ACVR2A: variants seen among roughly 807,000 people sequenced by gnomAD.
ACVR2A encodes activin receptor type-2A.
Under a neutral mutation model 61.4 loss-of-function variants are expected in ACVR2A, and 7 were observed. The observed-to-expected ratio is 0.11, with a 90% CI of 0.06 to 0.21. The LOEUF is 0.21. ACVR2A is among the 10% of genes least tolerant of loss of function. The pLI, the probability that ACVR2A is intolerant of heterozygous loss-of-function variation, is 1.00. For missense variants in ACVR2A, 322 were observed against 621.7 expected (o/e 0.52, Z 5.13); for synonymous variants, 193 against 208.3 (o/e 0.93, Z 0.63).
At chr2:147,909,289 G>T (rs1687061347) in intron 4 of ACVR2A, among the ~76,000 whole-genome samples, 1 of 152,116 alleles carries the variant, frequency 6.6e-6, no homozygotes, top group Non-Finnish European at 1.5e-5. Flanking sequence ...GTGAATTGTT[G>T]ATTAGTCCTT....
chr2:147,912,807 C>T (rs964096295), intron 4 of ACVR2A, among the ~76,000 whole-genome samples: 2 of 151,886 alleles, frequency 1.3e-5, no homozygotes, highest in Admixed American at 6.6e-5. Flanking sequence ...TTGAAAAGCT[C>T]ATGTCATTGC....
intron 4 of ACVR2A, among the ~76,000 whole-genome samples, chr2:147,912,693 A>AT (rs1310800355): frequency 2.0e-5 from 3 of 151,888 alleles, no homozygotes; most frequent in East Asian, 3.9e-4. Context: ...CATTCTAGTA[A>AT]TTTTTTATTT....
At chr2:147,845,357 C>CCCG (rs1685283576) in intron 1 of ACVR2A, 150 bp downstream of exon 1, 2 of 536,286 alleles carry the variant, frequency 3.7e-6, no homozygotes, top group Non-Finnish European at 3.1e-6. Flanking sequence ...CGCCCCCCCC[C>CCCG]CCCGCCCCCA....
intron 4 of ACVR2A, among the ~76,000 whole-genome samples, chr2:147,903,317 T>C (rs1686915050): frequency 6.7e-6 from 1 of 148,156 alleles, no homozygotes; most frequent in African/African-American, 2.5e-5. Context: ...TTCTTATTCA[T>C]CCTGGATGAA....
At chr2:147,866,194 A>G (rs147709348) in intron 1 of ACVR2A, among the ~76,000 whole-genome samples, 12 of 152,344 alleles carry the variant, frequency 7.9e-5, no homozygotes, top group Non-Finnish European at 1.2e-4. Context: ...CTACTCATTC[A>G]AAGCAGTGTA....
At chr2:147,902,926 A>G (rs1265656862) in intron 4 of ACVR2A, 2 of 152,008 alleles carry the variant, frequency 1.3e-5, no homozygotes, top group Admixed American at 1.3e-4. Context: ...AGACAGTGCC[A>G]TAACATTTGT....
At chr2:147,917,449 T>C in intron 6 of ACVR2A, 23 bp downstream of exon 6, 1 of 1,608,794 alleles carries the variant, frequency 6.2e-7, no homozygotes, top group Non-Finnish European at 8.5e-7. Context: ...AACGTTTTAC[T>C]TTAGTAAAGT....
At chr2:147,857,542 A>C (rs1022212917) in intron 1 of ACVR2A, among the ~76,000 whole-genome samples, 2 of 151,584 alleles carry the variant, frequency 1.3e-5, no homozygotes, top group Non-Finnish European at 2.9e-5. Flanking sequence ...TAAAAAAAAA[A>C]AAAAAAAAAC....
rs1436492154 is a variant in ACVR2A, at chr2:147,845,223, G to A, written c.55+16G>A. The A allele has an allele frequency of 3.1e-6, 5 of 1,610,378 alleles. No homozygotes were observed. Among genetic ancestry groups the A allele is most frequent in the Non-Finnish European group, 4.2e-6 (5 of 1,179,060 alleles). ...TGTTCTTCAGGTAGGTGCAGGGAGC[G>A]CGGCGCGGTGGGGCTGCTCCTGCGG... On this transcript the variant is annotated intron_variant, in intron 1 of 10. Transcript: ENST00000241416.
chr2:147,888,116 G>A (rs1686488077), intron 1 of ACVR2A, among the ~76,000 whole-genome samples: 1 of 152,056 alleles, frequency 6.6e-6, no homozygotes, highest in Admixed American at 6.6e-5. Context: ...TGTCAAAAAC[G>A]AATTAGACGT....
At chr2:147,875,088 A>G (rs534668800) in intron 1 of ACVR2A, among the ~76,000 whole-genome samples, 2 of 152,138 alleles carry the variant, frequency 1.3e-5, no homozygotes, top group South Asian at 2.1e-4. Context: ...TTCAAACCAG[A>G]TGGATATATA....
chr2:147,908,183 TGTG>T (rs1387257732), intron 4 of ACVR2A, among the ~76,000 whole-genome samples: 1 of 152,196 alleles, frequency 6.6e-6, no homozygotes. Context: ...AATTTATTCA[TGTG>T]TAACATGGTT....
At chr2:147,882,853 G>A (rs578061539) in intron 1 of ACVR2A, among the ~76,000 whole-genome samples, 2 of 152,048 alleles carry the variant, frequency 1.3e-5, no homozygotes, top group South Asian at 4.2e-4. Flanking sequence ...GACAATGTTT[G>A]TGTTTTCCTT....
At chr2:147,917,824 C>T (rs969495501) in intron 6 of ACVR2A, among the ~76,000 whole-genome samples, 6 of 151,856 alleles carry the variant, frequency 4.0e-5, no homozygotes, top group Non-Finnish European at 8.8e-5. Flanking sequence ...GGAAATTTAT[C>T]TGATCTTTGA....
intron 4 of ACVR2A, among the ~76,000 whole-genome samples, chr2:147,903,254 T>G (rs1249725497): frequency 6.6e-6 from 1 of 151,436 alleles, no homozygotes; most frequent in Non-Finnish European, 1.5e-5. Flanking sequence ...TCTGGTCGTT[T>G]TTTTTTTTTC....
chr2:147,845,170 G>C lies in ACVR2A; in HGVS notation c.18G>C (p.Lys6Asn). Reference sequence around the variant, plus strand: ...TCGGGAAAATGGGAGCTGCTGCAAAGTTGGCGTTTGCCGTCTTTCTTATCT... The same window carrying C: ...TCGGGAAAATGGGAGCTGCTGCAAACTTGGCGTTTGCCGTCTTTCTTATCT... MGAAAKLAFAVFLISC... is the reference protein window; with the variant it reads MGAAANLAFAVFLISC... The change falls in exon 1 of 11, where the codon AAG becomes AAC. Residue 6 changes from lysine to asparagine, a missense_variant. Physicochemically the swap from Lys to Asn is moderately conservative, Grantham distance 94. Coordinates refer to ENST00000241416, the MANE Select transcript of ACVR2A (RefSeq NM_001616.5). 1 of 1,613,560 alleles carries C rather than the reference G, an allele frequency of 6.2e-7. No homozygotes were observed. The highest frequency in any genetic ancestry group is 1.1e-5 in the South Asian group (1 of 91,058).
intron 1 of ACVR2A, among the ~76,000 whole-genome samples, chr2:147,881,734 T>C (rs140335538): frequency 6.6e-6 from 1 of 151,912 alleles, no homozygotes; most frequent in Admixed American, 6.6e-5. Context: ...TGAAAATTTA[T>C]TCTTTTTTCA....
chr2:147,880,300 G>C (rs1269560185), intron 1 of ACVR2A, among the ~76,000 whole-genome samples: 2 of 152,094 alleles, frequency 1.3e-5, no homozygotes, highest in African/African-American at 2.4e-5. Context: ...GCCTTCCAAA[G>C]TATTGGGATT....
At position 147,926,071 on chromosome 2, in the gene ACVR2A, T is replaced by A; in HGVS notation, c.1257T>A (p.Ile419=). Residue 419 remains isoleucine, a synonymous_variant, in exon 10 of 11, where the codon ATT becomes ATA. Transcript: ENST00000241416. Reference sequence around the variant, plus strand: ...ACATGTTGCCATTTGAGGAGGAAATTGGCCAGCATCCATCTCTTGAAGACA... The same window carrying A: ...ACATGTTGCCATTTGAGGAGGAAATAGGCCAGCATCCATCTCTTGAAGACA... ...DEYMLPFEEE[I]GQHPSLEDMQ... 1 of 1,612,004 alleles carries A rather than the reference T, an allele frequency of 6.2e-7. No individual in the cohort carries two copies. Among genetic ancestry groups the A allele is most frequent in the Non-Finnish European group, 8.5e-7 (1 of 1,178,656 alleles).
Sources: gnomAD v4.1 joint callset for allele counts (sites outside exome capture counted in the v4.1 genomes callset) on GRCh38, gnomAD v4.1.1 for gene constraint, MANE v1.5 for transcripts, NCBI Gene and HGNC (gene_info 2026-07-23, HGNC 2026-07-21) for gene names.